The following EZH2 variants were observed in gnomAD, a reference collection of about 807,000 sequenced individuals.
EZH2 encodes enhancer of zeste 2 polycomb repressive complex 2 subunit.
EZH2 carries 18 observed loss-of-function variants against 98.4 expected under a neutral mutation model. That is an observed-to-expected ratio of 0.18 (90% confidence interval 0.13 to 0.27). The LOEUF (loss-of-function observed/expected upper bound fraction) is 0.27. EZH2 is among the 10% of genes least tolerant of loss of function. The probability of loss-of-function intolerance (pLI) is 1.00; values close to 1 mark genes in which losing one functional copy is unlikely to be tolerated. For missense variants in EZH2, 470 were observed against 935.1 expected (o/e 0.50, Z 6.49); for synonymous variants, 338 against 312.3 (o/e 1.08, Z -0.87).
intron 17 of EZH2, among the ~76,000 whole-genome samples, chr7:148,809,664 A>C (rs1041238464): frequency 7.0e-5 from 1 of 14,268 alleles, no homozygotes; most frequent in Non-Finnish European, 1.3e-4. Context: ...AAACATAGCA[A>C]AAAAAAAAAA....
intron 1 of EZH2, among the ~76,000 whole-genome samples, chr7:148,862,928 T>G (rs1172318604): frequency 7.5e-6 from 1 of 132,826 alleles, no homozygotes; most frequent in African/African-American, 2.9e-5. Context: ...GTTTTGTTTT[T>G]TTAAAAAAAA....
At chr7:148,823,828 A>G (rs1806884693) in intron 8 of EZH2, among the ~76,000 whole-genome samples, 1 of 152,026 alleles carries the variant, frequency 6.6e-6, no homozygotes, top group East Asian at 1.9e-4. Flanking sequence ...TCTTCATATT[A>G]ATACTTTTTG....
intron 1 of EZH2, among the ~76,000 whole-genome samples, chr7:148,849,759 T>C (rs1275451597): frequency 6.6e-6 from 1 of 152,226 alleles, no homozygotes; most frequent in East Asian, 1.9e-4. Context: ...TTTCTTCCTA[T>C]CTGCTAGTTA....
At chr7:148,882,718 G>T (rs1351360237) in intron 1 of EZH2, among the ~76,000 whole-genome samples, 1 of 152,176 alleles carries the variant, frequency 6.6e-6, no homozygotes, top group Non-Finnish European at 1.5e-5. Context: ...GCTGTTTTAT[G>T]ATGACATCAA....
At chr7:148,883,750 G>T (rs1821379219) in intron 1 of EZH2, among the ~76,000 whole-genome samples, 1 of 151,758 alleles carries the variant, frequency 6.6e-6, no homozygotes, top group African/African-American at 2.4e-5. Flanking sequence ...TGTCTGTCCC[G>T]TCCCACCCGG....
chr7:148,866,494 A>C (rs1818466716), intron 1 of EZH2, among the ~76,000 whole-genome samples: 1 of 144,748 alleles, frequency 6.9e-6, no homozygotes, highest in Admixed American at 7.0e-5. Flanking sequence ...TGTGAAAAAT[A>C]TATATACGTA....
chr7:148,813,069 A>G (rs1022436721), intron 15 of EZH2, among the ~76,000 whole-genome samples: 8 of 151,972 alleles, frequency 5.3e-5, no homozygotes, highest in East Asian at 1.9e-4. Context: ...ACACACACAC[A>G]CACACACACA....
At chr7:148,850,953 T>TTC (rs1013481470) in intron 1 of EZH2, among the ~76,000 whole-genome samples, 1 of 152,160 alleles carries the variant, frequency 6.6e-6, no homozygotes, top group Non-Finnish European at 1.5e-5. Context: ...AGCTAGAGTC[T>TTC]TCTCTCTCTC....
chr7:148,842,143 G>T (rs887754220), intron 3 of EZH2, among the ~76,000 whole-genome samples: 1 of 152,060 alleles, frequency 6.6e-6, no homozygotes, highest in Non-Finnish European at 1.5e-5. Flanking sequence ...ATTCTCCTGG[G>T]AATCTAGAAA....
At chr7:148,815,829 C>A (rs1046670375) in intron 12 of EZH2, among the ~76,000 whole-genome samples, 4 of 152,216 alleles carry the variant, frequency 2.6e-5, no homozygotes, top group African/African-American at 7.2e-5. Flanking sequence ...GGTGTGTCTG[C>A]CTGTTGATTT....
chr7:148,846,435 GA>G lies in EZH2; in HGVS notation c.246+34del, dbSNP rs748288243. On this transcript the variant is annotated intron_variant, in intron 3 of 19. Transcript: ENST00000320356. Reference sequence around the variant, plus strand: ...GTTCCAATAGCATAAACCAAAAGATGATGATAATTACTACAACATGTTATGT... The same window carrying G: ...GTTCCAATAGCATAAACCAAAAGATGTGATAATTACTACAACATGTTATGT... 1.1e-5 allele frequency: 17 copies of G among 1,590,784 alleles called. No homozygotes were observed. In the African/African-American group the frequency reaches 1.5e-4, roughly 14 times the overall value.
chr7:148,823,577 TG>T (rs755168504), intron 8 of EZH2, among the ~76,000 whole-genome samples: 2 of 151,036 alleles, frequency 1.3e-5, no homozygotes, highest in Non-Finnish European at 2.9e-5. Context: ...CTAATAAAAG[TG>T]GAAGAGTGAG....
chr7:148,812,989 A>G (rs180765510), intron 15 of EZH2, among the ~76,000 whole-genome samples: 2 of 152,168 alleles, frequency 1.3e-5, no homozygotes, highest in Admixed American at 1.3e-4. Context: ...GCTGGTAAGA[A>G]GTGTGTTCTC....
chr7:148,865,119 T>G (rs962030048), intron 1 of EZH2, among the ~76,000 whole-genome samples: 1 of 139,810 alleles, frequency 7.2e-6, no homozygotes, highest in African/African-American at 2.8e-5. Context: ...AGAGCGAGAC[T>G]TGTCTCAAAA....
At chr7:148,874,168 T>A (rs554557077) in intron 1 of EZH2, among the ~76,000 whole-genome samples, 1 of 152,298 alleles carries the variant, frequency 6.6e-6, no homozygotes, top group South Asian at 2.1e-4. Context: ...GGAACATCGC[T>A]TGAGCTCAGG....
At chr7:148,836,262 T>A (rs1390868482) in intron 3 of EZH2, among the ~76,000 whole-genome samples, 3 of 152,176 alleles carry the variant, frequency 2.0e-5, no homozygotes, top group Non-Finnish European at 4.4e-5. Flanking sequence ...GAGCACCTAT[T>A]TAGAAAACTG....
chr7:148,873,308 A>G (rs536164748), intron 1 of EZH2, among the ~76,000 whole-genome samples: 1 of 152,222 alleles, frequency 6.6e-6, no homozygotes, highest in African/African-American at 2.4e-5. Context: ...TCTGGCCAAC[A>G]TAGTGAAACC....
intron 1 of EZH2, among the ~76,000 whole-genome samples, chr7:148,869,727 C>T (rs1819062264): frequency 6.6e-6 from 1 of 152,238 alleles, no homozygotes; most frequent in Admixed American, 6.5e-5. Context: ...AAGACATCCT[C>T]TCTGCAGGCA....
chr7:148,878,933 T>C (rs1022203591), intron 1 of EZH2, among the ~76,000 whole-genome samples: 1 of 150,878 alleles, frequency 6.6e-6, no homozygotes, highest in Non-Finnish European at 1.5e-5. Flanking sequence ...GTTTAAAAAG[T>C]ATCCAGGCCA....
Sources: allele counts gnomAD v4.1 joint callset (sites outside exome capture counted in the v4.1 genomes callset), GRCh38; gene constraint gnomAD v4.1.1; transcripts MANE v1.5; gene names NCBI Gene and HGNC (gene_info 2026-07-23, HGNC 2026-07-21).